Variants in GLIS1 observed in about 807,000 individuals in gnomAD.
GLIS1 encodes zinc finger protein GLIS1.
A neutral mutation model predicts 63.8 loss-of-function variants in GLIS1; 24 were observed. The ratio of observed to expected loss-of-function variants is 0.38; its 90% CI spans 0.27 to 0.53. The LOEUF (loss-of-function observed/expected upper bound fraction) is 0.53. Among genes scored for constraint, GLIS1 ranks in the 20% least tolerant of loss-of-function variants. GLIS1 has a pLI of 0.85. For synonymous variants in GLIS1, 450 were observed against 482.5 expected, an observed-to-expected ratio of 0.93 and a Z score of 0.88; for missense variants, 1,036 against 1,074.1, an observed-to-expected ratio of 0.96 and a Z score of 0.50.
At chr1:53,690,324 G>A (rs935378711) in intron 2 of GLIS1, among the ~76,000 whole-genome samples, 1 of 152,252 alleles carries the variant, frequency 6.6e-6, no homozygotes, top group Non-Finnish European at 1.5e-5. Context: ...ATGGGGAAGA[G>A]GGTGGTCTCC....
At chr1:53,660,777 G>A (rs1456393560) in intron 2 of GLIS1, among the ~76,000 whole-genome samples, 1 of 152,182 alleles carries the variant, frequency 6.6e-6, no homozygotes, top group Non-Finnish European at 1.5e-5. Flanking sequence ...CTGGTGCTCA[G>A]GTTTATGGGA....
intron 4 of GLIS1, among the ~76,000 whole-genome samples, chr1:53,592,104 T>TGAA (rs2100524069): frequency 6.6e-6 from 1 of 152,250 alleles, no homozygotes; most frequent in African/African-American, 2.4e-5. Context: ...TGTAAGCCAG[T>TGAA]GTCCTGTGAA....
intron 7 of GLIS1, among the ~76,000 whole-genome samples, chr1:53,516,279 G>A (rs1231575788): frequency 6.6e-6 from 1 of 152,128 alleles, no homozygotes; most frequent in Admixed American, 6.5e-5. Flanking sequence ...ATGGGGTAAG[G>A]GAAACTTTTA....
At chr1:53,613,278 T>C (rs1052334303) in intron 2 of GLIS1, among the ~76,000 whole-genome samples, 4 of 152,376 alleles carry the variant, frequency 2.6e-5, no homozygotes, top group African/African-American at 4.8e-5. Flanking sequence ...TTTTTCCTCA[T>C]GGTTGGAATT....
chr1:53,617,669 GT>G (rs1645496887), intron 2 of GLIS1, among the ~76,000 whole-genome samples: 3 of 152,226 alleles, frequency 2.0e-5, no homozygotes, highest in Non-Finnish European at 4.4e-5. Context: ...TTGTTTACAA[GT>G]TATTTCCCTT....
chr1:53,687,133 G>T (rs1170855292), intron 2 of GLIS1, among the ~76,000 whole-genome samples: 1 of 152,206 alleles, frequency 6.6e-6, no homozygotes, highest in Non-Finnish European at 1.5e-5. Context: ...TTAAGGAAAG[G>T]TTTTCCCAGG....
At chr1:53,724,635 C>T (rs1322877025) in intron 2 of GLIS1, among the ~76,000 whole-genome samples, 1 of 152,124 alleles carries the variant, frequency 6.6e-6, no homozygotes, top group East Asian at 1.9e-4. Context: ...TCCTCCCCCT[C>T]AGCCTCCCTA....
chr1:53,689,798 G>A (rs1047599278), intron 2 of GLIS1, among the ~76,000 whole-genome samples: 5 of 152,100 alleles, frequency 3.3e-5, no homozygotes, highest in African/African-American at 9.7e-5. Flanking sequence ...GCATCTCAGC[G>A]CCCATTACTG....
At chr1:53,632,959 CG>C (rs1645678803) in intron 2 of GLIS1, among the ~76,000 whole-genome samples, 1 of 92,550 alleles carries the variant, frequency 1.1e-5, no homozygotes, top group African/African-American at 4.3e-5. Flanking sequence ...GACTGAGGGG[CG>C]TGTATATGTG....
At chr1:53,681,256 C>T (rs573878416) in intron 2 of GLIS1, among the ~76,000 whole-genome samples, 185 of 152,380 alleles carry the variant, frequency 1.2e-3, no homozygotes, top group Non-Finnish European at 1.9e-3. Flanking sequence ...GAGTAGATGG[C>T]ATGCTCTTCT....
intron 4 of GLIS1, among the ~76,000 whole-genome samples, chr1:53,568,004 G>A (rs918644508): frequency 2.6e-5 from 4 of 152,254 alleles, no homozygotes; most frequent in African/African-American, 9.6e-5. Flanking sequence ...CCTATGAGAA[G>A]AGGGCCACAG....
At chr1:53,543,606 C>G (rs496933) in intron 4 of GLIS1, among the ~76,000 whole-genome samples, 103,943 of 152,116 alleles carry the variant, frequency 0.68, 35,959 homozygotes, top group East Asian at 0.99. Context: ...GAAATGACTA[C>G]AAACAAAGGA....
chr1:53,685,326 G>A (rs570224499), intron 2 of GLIS1, among the ~76,000 whole-genome samples: 6 of 152,248 alleles, frequency 3.9e-5, no homozygotes, highest in Admixed American at 2.0e-4. Context: ...CCTTGTGGCC[G>A]CCCCGCCGCG....
At chr1:53,664,124 G>A (rs566400878) in intron 2 of GLIS1, among the ~76,000 whole-genome samples, 3 of 152,136 alleles carry the variant, frequency 2.0e-5, no homozygotes, top group South Asian at 2.1e-4. Flanking sequence ...GGATCCATGC[G>A]GTGCCCACTT....
intron 4 of GLIS1, among the ~76,000 whole-genome samples, chr1:53,592,798 G>C (rs559125325): frequency 2.8e-4 from 42 of 152,378 alleles, no homozygotes; most frequent in South Asian, 1.4e-3. Flanking sequence ...GCCATTCACT[G>C]CTGCTCACTT....
At chr1:53,519,770 A>C (rs3887579) in intron 7 of GLIS1, among the ~76,000 whole-genome samples, 43,152 of 152,158 alleles carry the variant, frequency 0.28, 7,395 homozygotes, top group East Asian at 0.4. Flanking sequence ...TCTGGGCCAC[A>C]GAGTTTAGCG....
At chr1:53,697,365 C>T (rs547723407) in intron 2 of GLIS1, among the ~76,000 whole-genome samples, 2 of 152,340 alleles carry the variant, frequency 1.3e-5, no homozygotes, top group South Asian at 4.1e-4. Context: ...ATTTCCTATT[C>T]CAGTTGCTTT....
intron 4 of GLIS1, among the ~76,000 whole-genome samples, chr1:53,572,870 A>G (rs1457504232): frequency 6.6e-6 from 1 of 152,174 alleles, no homozygotes; most frequent in Non-Finnish European, 1.5e-5. Flanking sequence ...CTCCAATCCT[A>G]GCTGCGCCTC....
At chr1:53,638,273 C>G (rs958323814) in intron 2 of GLIS1, among the ~76,000 whole-genome samples, 8 of 152,190 alleles carry the variant, frequency 5.3e-5, no homozygotes, top group African/African-American at 1.9e-4. Context: ...TAACCACAGG[C>G]CCGCATGGTG....
Sources: gnomAD v4.1 joint callset for allele counts (sites outside exome capture counted in the v4.1 genomes callset) on GRCh38, gnomAD v4.1.1 for gene constraint, MANE v1.5 for transcripts, NCBI Gene and HGNC (gene_info 2026-07-23, HGNC 2026-07-21) for gene names.